HUWE1: variants seen among roughly 807,000 people sequenced by gnomAD.
HUWE1 encodes the protein E3 ubiquitin-protein ligase HUWE1.
In HUWE1, 18 loss-of-function variants were observed where a neutral mutation model predicts 299.4. The observed-to-expected ratio is 0.06, with a 90% CI of 0.04 to 0.09. HUWE1 has a LOEUF of 0.09. Among genes scored for constraint, HUWE1 ranks in the 10% least tolerant of loss-of-function variants. The probability of loss-of-function intolerance (pLI) is 1.00; values close to 1 mark genes in which losing one functional copy is unlikely to be tolerated. For synonymous variants in HUWE1, 1,317 were observed against 1,286.1 expected (o/e 1.02, Z -0.51); for missense variants, 1,832 against 3,462.3 (o/e 0.53, Z 11.82).
chrX:53,670,133 A>G (rs1217720439), intron 3 of HUWE1, among the ~76,000 whole-genome samples: 2 of 111,739 alleles, frequency 1.8e-5, no homozygotes, highest in African/African-American at 3.3e-5. Context: ...AGTTGATCTC[A>G]TGTCAGAAAG....
chrX:53,585,928 A>G (rs2063835500), intron 39 of HUWE1, among the ~76,000 whole-genome samples: 1 of 111,546 alleles, frequency 9.0e-6, no homozygotes, highest in African/African-American at 3.3e-5. Context: ...AACTCAAGTA[A>G]TCTACCTGTC....
chrX:53,565,831 C>T (rs1044086273), intron 49 of HUWE1, among the ~76,000 whole-genome samples: 2 of 109,329 alleles, frequency 1.8e-5, no homozygotes, highest in Non-Finnish European at 3.8e-5. Flanking sequence ...GGGGTTTCGC[C>T]ATGTTGCTCA....
chrX:53,661,786 A>T (rs1280633000), intron 3 of HUWE1, among the ~76,000 whole-genome samples: 1 of 111,732 alleles, frequency 8.9e-6, no homozygotes, highest in East Asian at 2.8e-4. Flanking sequence ...CCATTACTTC[A>T]ATACTTTTAT....
rs782720427 is a variant in HUWE1, at chrX:53,588,362, C to A, written c.4614+20G>T. 8.3e-7 allele frequency: 1 copy of A among 1,200,598 alleles called. No individual in the cohort carries two copies. Among genetic ancestry groups the A allele is most frequent in the Admixed American group, 2.2e-5 (1 of 45,888 alleles). On this transcript the variant is annotated intron_variant, in intron 37 of 83. Coordinates refer to ENST00000262854, the MANE Select transcript of HUWE1 (RefSeq NM_031407.7). Reference sequence around the variant, plus strand: ...TTCTTTCATGAATGAATTACAAGGCCCCAAAGATCTAAATCTTACCTCAAA... The same window carrying A: ...TTCTTTCATGAATGAATTACAAGGCACCAAAGATCTAAATCTTACCTCAAA...
At chrX:53,589,447 A>G (rs2064037392) in intron 36 of HUWE1, 100 bp downstream of exon 36, 1 of 758,881 alleles carries the variant, frequency 1.3e-6, no homozygotes, top group Non-Finnish European at 2.0e-6. Flanking sequence ...TACCCATATC[A>G]GGTAGAATGA....
At chrX:53,602,247 A>G (rs2064896684) in intron 28 of HUWE1, among the ~76,000 whole-genome samples, 1 of 110,786 alleles carries the variant, frequency 9.0e-6, no homozygotes, top group African/African-American at 3.3e-5. Flanking sequence ...CCTAACATTA[A>G]GTGAAGAAAG....
chrX:53,614,955 C>T (rs1163683610), intron 22 of HUWE1, among the ~76,000 whole-genome samples: 1 of 109,481 alleles, frequency 9.1e-6, no homozygotes, highest in Non-Finnish European at 1.9e-5. Flanking sequence ...ATTTGTTGAG[C>T]GTCACACGGC....
chrX:53,595,292 G>A lies in HUWE1; in HGVS notation c.3275C>T (p.Thr1092Ile). 1 of 1,211,173 alleles carries A rather than the reference G, an allele frequency of 8.3e-7. No homozygotes were observed. Among genetic ancestry groups the A allele is most frequent in the Non-Finnish European group, 1.1e-6 (1 of 895,084 alleles). ...TGATCGCGCGGCAGGTGTCGGTGCT[G>A]TAGTGGTGCTGGCAGCATGATGGCT... ...RRSHHAASTT[T>I]APTPAARSTA... The change falls in exon 30 of 84, where the codon ACA becomes ATA. Residue 1092 changes from threonine (T) to isoleucine (I), a missense_variant. Thr to Ile is a moderately conservative substitution (Grantham distance 89). This residue lies in a region of HUWE1 where 658 missense variants were observed against 1,282.6 expected (regional missense o/e 0.51). Transcript: ENST00000262854.
chrX:53,566,113 A>ATATGTG (rs2147776209), intron 49 of HUWE1, among the ~76,000 whole-genome samples: 1 of 55,517 alleles, frequency 1.8e-5, no homozygotes, highest in South Asian at 1.4e-3. Flanking sequence ...GTATGTATGT[A>ATATGTG]TGTATGTGTG....
chrX:53,596,382 A>G (rs782427768), intron 29 of HUWE1, among the ~76,000 whole-genome samples: 1 of 112,393 alleles, frequency 8.9e-6, no homozygotes, highest in South Asian at 3.7e-4. Context: ...CATAAAATAT[A>G]TGTAGATACT....
chrX:53,542,323 G>A, intron 74 of HUWE1, 120 bp downstream of exon 74: 4 of 561,728 alleles, frequency 7.1e-6, no homozygotes, highest in Non-Finnish European at 1.3e-5. Context: ...AGAAACCAGG[G>A]TTTACTGGAA....
intron 61 of HUWE1, among the ~76,000 whole-genome samples, chrX:53,554,228 T>TG (rs1325255593): frequency 9.1e-6 from 1 of 109,617 alleles, no homozygotes; most frequent in Non-Finnish European, 1.9e-5. Flanking sequence ...TTTTGGAGAG[T>TG]TTTTTTTTCC....
At chrX:53,659,427 G>A (rs1214295021) in intron 3 of HUWE1, among the ~76,000 whole-genome samples, 2 of 111,836 alleles carry the variant, frequency 1.8e-5, no homozygotes, top group African/African-American at 6.5e-5. Flanking sequence ...ATTAGTAAGT[G>A]AAAGAAATCA....
chrX:53,660,197 C>T (rs2068929523), intron 3 of HUWE1, among the ~76,000 whole-genome samples: 1 of 111,939 alleles, frequency 8.9e-6, no homozygotes, highest in Non-Finnish European at 1.9e-5. Flanking sequence ...AGACCCCCCA[C>T]GGAAACAGCT....
chrX:53,599,794 A>G (rs1016428420), intron 29 of HUWE1, among the ~76,000 whole-genome samples: 5 of 112,293 alleles, frequency 4.5e-5, no homozygotes, highest in Non-Finnish European at 9.4e-5. Flanking sequence ...TAGGACAAGG[A>G]CGTTGTAGAT....
At chrX:53,555,388 C>G (rs1177313891) in intron 60 of HUWE1, among the ~76,000 whole-genome samples, 1 of 106,781 alleles carries the variant, frequency 9.4e-6, no homozygotes, top group Non-Finnish European at 1.9e-5. Context: ...TGTAGTGGCA[C>G]AATCATGGCT....
rs1556932497 is a variant in HUWE1, at chrX:53,554,692, G to A, written c.8435C>T (p.Thr2812Ile). 2 of 1,211,192 alleles carry A rather than the reference G, an allele frequency of 1.7e-6. No individual in the cohort carries two copies. Among genetic ancestry groups the A allele is most frequent in the Admixed American group, 2.2e-5 (1 of 45,994 alleles). ...TGTTTCTGCTTCCCCACTTGGCCTT[G>A]TGGGACCCAATTCCTCTGGCTCTAC... Reference protein sequence around the residue: ...MPVEPEELGPTRPSGEAETTQ... With the variant: ...MPVEPEELGPIRPSGEAETTQ... The change falls in exon 61 of 84, where the codon ACA becomes ATA. Residue 2812 changes from threonine (T) to isoleucine (I), a missense_variant. Transcript: ENST00000262854.
At chrX:53,679,527 C>A (rs200374703) in intron 3 of HUWE1, among the ~76,000 whole-genome samples, 1 of 111,746 alleles carries the variant, frequency 8.9e-6, no homozygotes, top group Non-Finnish European at 1.9e-5. Context: ...TGGTGGCTCA[C>A]GCCTGTAATC....
At chrX:53,578,908 GA>G (rs1287161056) in intron 43 of HUWE1, among the ~76,000 whole-genome samples, 28 of 69,850 alleles carry the variant, frequency 4.0e-4, no homozygotes, top group South Asian at 9.2e-4. Flanking sequence ...GAGGTGGGGG[GA>G]TCAGCCCCCC....
Sources: allele counts gnomAD v4.1 joint callset (sites outside exome capture counted in the v4.1 genomes callset), GRCh38; gene constraint gnomAD v4.1.1; regional missense constraint gnomAD v4.1.1; transcripts MANE v1.5; gene names NCBI Gene and HGNC (gene_info 2026-07-23, HGNC 2026-07-21).